Variants in GPC6 observed in about 807,000 individuals in gnomAD.
GPC6 encodes glypican 6.
In GPC6, 14 loss-of-function variants were observed where a neutral mutation model predicts 55.2. The observed-to-expected ratio is 0.25, with a 90% CI of 0.17 to 0.40. The LOEUF is 0.40. Among genes scored for constraint, GPC6 ranks in the 10% least tolerant of loss-of-function variants. The pLI is 1.00. For synonymous variants in GPC6, 278 were observed against 259.6 expected (o/e 1.07, Z -0.68); for missense variants, 641 against 708.5 (o/e 0.90, Z 1.08).
At chr13:93,493,978 G>A (rs1208777702) in intron 1 of GPC6, among the ~76,000 whole-genome samples, 1 of 125,650 alleles carries the variant, frequency 8.0e-6, no homozygotes, top group Non-Finnish European at 1.7e-5. Flanking sequence ...GTGGTGTGAT[G>A]CTGAAAAAAA....
intron 4 of GPC6, among the ~76,000 whole-genome samples, chr13:94,085,346 G>GA (rs1555294278): frequency 7.3e-6 from 1 of 137,306 alleles, no homozygotes; most frequent in African/African-American, 2.7e-5. Context: ...AAAAAAAAAG[G>GA]GAAGAAAAAG....
intron 1 of GPC6, among the ~76,000 whole-genome samples, chr13:93,413,250 T>C (rs150590228): frequency 2.0e-5 from 3 of 152,276 alleles, no homozygotes; most frequent in African/African-American, 7.2e-5. Context: ...AAACTCCAAA[T>C]AGTTATTTCA....
intron 4 of GPC6, among the ~76,000 whole-genome samples, chr13:94,275,676 C>G (rs1892179526): frequency 6.6e-6 from 1 of 150,800 alleles, no homozygotes; most frequent in Admixed American, 6.6e-5. Context: ...ATTGGTAATT[C>G]ATGAAACAAA....
intron 1 of GPC6, among the ~76,000 whole-genome samples, chr13:93,497,630 A>G (rs1158502472): frequency 1.3e-5 from 2 of 152,250 alleles, no homozygotes; most frequent in Non-Finnish European, 2.9e-5. Flanking sequence ...AAAGAACACA[A>G]TGTTGATATA....
intron 3 of GPC6, among the ~76,000 whole-genome samples, chr13:93,990,990 T>TGAAGGAAGGAAGGA (rs1269354944): frequency 5.5e-5 from 8 of 145,966 alleles, no homozygotes; most frequent in African/African-American, 2.2e-4. Context: ...GGAAGGAAGT[T>TGAAGGAAGGAAGGA]AGTTCTCAGT....
At chr13:93,362,488 T>A (rs190203505) in intron 1 of GPC6, among the ~76,000 whole-genome samples, 111 of 152,220 alleles carry the variant, frequency 7.3e-4, no homozygotes, top group East Asian at 4.3e-3. Flanking sequence ...CAGGACCAAA[T>A]AACTGCAAAG....
chr13:93,765,619 A>T (rs4287430), intron 2 of GPC6, among the ~76,000 whole-genome samples: 100,669 of 151,448 alleles, frequency 0.66, 34,429 homozygotes, highest in African/African-American at 0.81. Context: ...TATTCATAGT[A>T]AGGTTAATCT....
chr13:93,363,338 T>A (rs564043026), intron 1 of GPC6, among the ~76,000 whole-genome samples: 2 of 145,320 alleles, frequency 1.4e-5, no homozygotes, highest in African/African-American at 5.0e-5. Flanking sequence ...CCTGTGTCCA[T>A]GTGTTCTCAT....
intron 2 of GPC6, among the ~76,000 whole-genome samples, chr13:93,568,512 C>T (rs534768692): frequency 5.7e-4 from 86 of 152,062 alleles, no homozygotes; most frequent in African/African-American, 1.7e-3. Flanking sequence ...AGAATTTATG[C>T]GACTGTTCTA....
chr13:94,090,155 G>A (rs1286734007), intron 4 of GPC6, among the ~76,000 whole-genome samples: 2 of 152,134 alleles, frequency 1.3e-5, no homozygotes, highest in African/African-American at 2.4e-5. Flanking sequence ...GGCAAAGGAG[G>A]AGCAAAGGCA....
chr13:93,688,861 C>G (rs566670377), intron 2 of GPC6, among the ~76,000 whole-genome samples: 2 of 152,022 alleles, frequency 1.3e-5, no homozygotes, highest in Non-Finnish European at 2.9e-5. Context: ...GGTTACACAA[C>G]ATTGTGAATA....
At chr13:93,236,132 A>AC (rs1876225168) in intron 1 of GPC6, among the ~76,000 whole-genome samples, 1 of 152,148 alleles carries the variant, frequency 6.6e-6, no homozygotes, top group African/African-American at 2.4e-5. Flanking sequence ...GCCTGTACCT[A>AC]GAAGGGAAGG....
chr13:94,057,529 G>A (rs1375603982), intron 4 of GPC6, among the ~76,000 whole-genome samples: 5 of 152,104 alleles, frequency 3.3e-5, no homozygotes, highest in South Asian at 2.1e-4. Context: ...TGAATAAAAC[G>A]AAGGGAATAA....
chr13:93,651,510 A>G (rs2139599296), intron 2 of GPC6, among the ~76,000 whole-genome samples: 1 of 152,208 alleles, frequency 6.6e-6, no homozygotes, highest in Middle Eastern at 3.4e-3. Context: ...ATAAGGTGTA[A>G]ATCCTGCCTG....
At chr13:94,049,572 C>T (rs370898192) in intron 4 of GPC6, among the ~76,000 whole-genome samples, 24 of 152,264 alleles carry the variant, frequency 1.6e-4, no homozygotes, top group African/African-American at 5.8e-4. Context: ...GGCCCTCACA[C>T]TTGCTGTTCC....
intron 5 of GPC6, 44 bp downstream of exon 5, chr13:94,286,523 C>T: frequency 5.7e-6 from 9 of 1,566,554 alleles, no homozygotes; most frequent in Non-Finnish European, 7.0e-6. Context: ...GTATGTTATA[C>T]AGGTGCAATA....
intron 4 of GPC6, among the ~76,000 whole-genome samples, chr13:94,074,878 A>G (rs548596892): frequency 2.5e-4 from 38 of 152,332 alleles, no homozygotes; most frequent in Non-Finnish European, 5.0e-4. Context: ...ACATATGAAT[A>G]TGGTACAGTC....
In GPC6 at chr13:94,406,938, A is replaced by G. The variant is rs1169220546; in HGVS notation, c.*3721A>G. 6.6e-6 allele frequency: 1 copy of G among 152,154 alleles called. No individual in the cohort carries two copies. Among genetic ancestry groups the G allele is most frequent in the African/African-American group, 2.4e-5 (1 of 41,456 alleles). 9.4% of individuals were successfully genotyped at this position (152,154 alleles called of 1,614,324 possible). A position where few individuals can be genotyped will look rare whatever the true frequency, so the allele number is the denominator to read the frequency against. On this transcript the variant is annotated 3_prime_UTR_variant, in exon 9 of 9. Transcript: ENST00000377047. ...GACCTGATTTTTATTTAAAAACACA[A>G]TTTAGCTTTGCCAACAGAAGAGTAA...
intron 2 of GPC6, among the ~76,000 whole-genome samples, chr13:93,712,853 A>G (rs1468587246): frequency 2.0e-5 from 3 of 151,732 alleles, no homozygotes; most frequent in South Asian, 4.1e-4. Flanking sequence ...AAATATTAGG[A>G]CAAGACTGCT....
Sources: gnomAD v4.1 joint callset for allele counts (sites outside exome capture counted in the v4.1 genomes callset) on GRCh38, gnomAD v4.1.1 for gene constraint, MANE v1.5 for transcripts, NCBI Gene and HGNC (gene_info 2026-07-23, HGNC 2026-07-21) for gene names.